The following FBXL7 variants were observed in gnomAD, a reference collection of about 807,000 sequenced individuals.
FBXL7 encodes the protein F-box/LRR-repeat protein 7.
A neutral mutation model predicts 38.3 loss-of-function variants in FBXL7; 12 were observed. The ratio of observed to expected loss-of-function variants is 0.31; its 90% confidence interval spans 0.20 to 0.51. FBXL7 has a LOEUF of 0.51. Among genes scored for constraint, FBXL7 ranks in the 20% least tolerant of loss-of-function variants. The pLI is 0.98. For missense variants in FBXL7, 567 were observed against 676.4 expected, an observed-to-expected ratio of 0.84 and a Z score of 1.79; for synonymous variants, 297 against 300.9, an observed-to-expected ratio of 0.99 and a Z score of 0.13.
intron 2 of FBXL7, among the ~76,000 whole-genome samples, chr5:15,622,144 C>A (rs1740670308): frequency 6.6e-6 from 1 of 151,806 alleles, no homozygotes; most frequent in Non-Finnish European, 1.5e-5. Context: ...TTTCAGTATC[C>A]CCACATATAG....
intron 2 of FBXL7, among the ~76,000 whole-genome samples, chr5:15,773,536 A>C (rs1736783904): frequency 6.6e-6 from 1 of 151,826 alleles, no homozygotes. Context: ...GGTCCCAGCT[A>C]CTCAAGGGAG....
intron 2 of FBXL7, among the ~76,000 whole-genome samples, chr5:15,642,909 A>AGT (rs1741413220): frequency 6.6e-6 from 1 of 152,218 alleles, no homozygotes; most frequent in South Asian, 2.1e-4. Flanking sequence ...TCATAAATTA[A>AGT]GTGCAAAACT....
At chr5:15,750,704 G>A (rs185891876) in intron 2 of FBXL7, among the ~76,000 whole-genome samples, 102 of 152,220 alleles carry the variant, frequency 6.7e-4, no homozygotes, top group Non-Finnish European at 1.2e-3. Context: ...TGTTTTGGGG[G>A]TTTTGGATCA....
intron 1 of FBXL7, among the ~76,000 whole-genome samples, chr5:15,541,517 C>T (rs1348549323): frequency 8.1e-6 from 1 of 124,150 alleles, no homozygotes; most frequent in African/African-American, 3.0e-5. Context: ...CCCATCTTAC[C>T]CCCACCCCTA....
chr5:15,663,797 G>T (rs184141361), intron 2 of FBXL7, among the ~76,000 whole-genome samples: 24 of 152,028 alleles, frequency 1.6e-4, no homozygotes, highest in African/African-American at 5.5e-4. Flanking sequence ...GTGTGTTTGT[G>T]TTAAGAACAC....
intron 2 of FBXL7, among the ~76,000 whole-genome samples, chr5:15,717,304 C>A (rs1200372617): frequency 6.6e-6 from 1 of 152,274 alleles, no homozygotes; most frequent in Non-Finnish European, 1.5e-5. Context: ...AGGTGTGATA[C>A]CCACATTGTC....
intron 1 of FBXL7, among the ~76,000 whole-genome samples, chr5:15,506,435 TACTATTTTTG>T (rs1309841489): frequency 4.6e-5 from 7 of 152,186 alleles, no homozygotes; most frequent in Non-Finnish European, 1.0e-4. Flanking sequence ...AATGTTTATT[TACTATTTTTG>T]AAATACAACC....
rs1251546116 is a variant in FBXL7, at chr5:15,541,441, GTGTATATATATA to G, written c.37+40730_37+40741del. 8.8e-4 allele frequency among the ~76,000 whole-genome samples: 47 copies of G among 53,370 alleles called. 1 individual carries two copies. The highest frequency in any genetic ancestry group is 2.3e-3 in the African/African-American group (36 of 15,636). The allele number at this position is 53,370 out of a possible 152,430, so 35.0% of individuals were successfully genotyped here. ...ATACATATAGTATATATGTGTGTGT[GTGTATATATATA>G]TATATATATATATATATATATATAT... On this transcript the variant is annotated intron_variant, in intron 1 of 3. Transcript: ENST00000504595.
intron 2 of FBXL7, among the ~76,000 whole-genome samples, chr5:15,850,554 T>C (rs1739064324): frequency 6.6e-6 from 1 of 152,214 alleles, no homozygotes. Context: ...AATTTAGATG[T>C]TTGTTATAAT....
chr5:15,777,898 G>A (rs1405836303), intron 2 of FBXL7, among the ~76,000 whole-genome samples: 1 of 151,784 alleles, frequency 6.6e-6, no homozygotes, highest in African/African-American at 2.4e-5. Context: ...AAATCACACA[G>A]TCCCACTCTC....
chr5:15,914,672 A>G (rs1321795251), intron 2 of FBXL7, among the ~76,000 whole-genome samples: 6 of 152,250 alleles, frequency 3.9e-5, no homozygotes, highest in Non-Finnish European at 5.9e-5. Flanking sequence ...AACTTCTTCA[A>G]TCTGAAACAT....
intron 1 of FBXL7, among the ~76,000 whole-genome samples, chr5:15,597,795 C>G (rs1261444334): frequency 6.6e-6 from 1 of 152,154 alleles, no homozygotes; most frequent in Non-Finnish European, 1.5e-5. Flanking sequence ...TTAATCAAGT[C>G]TCAGTACATC....
chr5:15,651,088 CT>C (rs547135923), intron 2 of FBXL7, among the ~76,000 whole-genome samples: 125 of 142,118 alleles, frequency 8.8e-4, no homozygotes, highest in African/African-American at 2.0e-3. Context: ...AAACATACTT[CT>C]TTTTTTTTTT....
intron 2 of FBXL7, among the ~76,000 whole-genome samples, chr5:15,784,564 G>A (rs1737083734): frequency 6.6e-6 from 1 of 152,076 alleles, no homozygotes; most frequent in Non-Finnish European, 1.5e-5. Flanking sequence ...GGTGGGAGGT[G>A]GGTCGGGGGG....
At chr5:15,513,153 G>GA (rs1161313638) in intron 1 of FBXL7, among the ~76,000 whole-genome samples, 5 of 151,308 alleles carry the variant, frequency 3.3e-5, no homozygotes, top group Non-Finnish European at 1.5e-5. Flanking sequence ...ACCAATGTAA[G>GA]AAAAAAAAGA....
At chr5:15,829,098 T>C (rs1483003687) in intron 2 of FBXL7, among the ~76,000 whole-genome samples, 1 of 152,228 alleles carries the variant, frequency 6.6e-6, no homozygotes, top group Non-Finnish European at 1.5e-5. Flanking sequence ...AGGTTTTTAA[T>C]ATAGCTTGAG....
chr5:15,594,804 T>C (rs1314921390), intron 1 of FBXL7, among the ~76,000 whole-genome samples: 5 of 152,238 alleles, frequency 3.3e-5, no homozygotes, highest in Non-Finnish European at 7.3e-5. Context: ...CTCTCTTCTT[T>C]GCATGTTGCA....
chr5:15,562,813 G>A (rs377735259), intron 1 of FBXL7, among the ~76,000 whole-genome samples: 1 of 152,166 alleles, frequency 6.6e-6, no homozygotes, highest in East Asian at 1.9e-4. Flanking sequence ...AGACACAGCA[G>A]TAAATAAAAC....
At chr5:15,685,240 C>G (rs922084443) in intron 2 of FBXL7, among the ~76,000 whole-genome samples, 1 of 152,078 alleles carries the variant, frequency 6.6e-6, no homozygotes, top group South Asian at 2.1e-4. Flanking sequence ...TGTGAATATA[C>G]GCTGGGATGC....
Sources: allele counts gnomAD v4.1 joint callset (sites outside exome capture counted in the v4.1 genomes callset), GRCh38; gene constraint gnomAD v4.1.1; transcripts MANE v1.5; gene names NCBI Gene and HGNC (gene_info 2026-07-23, HGNC 2026-07-21).